Variants in STK10 observed in about 807,000 individuals in gnomAD.
The protein encoded by STK10 is serine/threonine kinase 10.
In STK10, 78 loss-of-function variants were observed where a neutral mutation model predicts 113.8. The observed-to-expected ratio is 0.69, with a 90% CI of 0.57 to 0.83. STK10 has a LOEUF of 0.83. Ranked by LOEUF, STK10 falls within the 40% of genes least tolerant of loss-of-function variation. STK10 has a pLI of 0.00. For synonymous variants in STK10, 465 were observed against 494.7 expected, an observed-to-expected ratio of 0.94 and a Z score of 0.80; for missense variants, 1,109 against 1,280.1, an observed-to-expected ratio of 0.87 and a Z score of 2.04.
At chr5:172,132,036 A>C (rs1318229531) in intron 2 of STK10, among the ~76,000 whole-genome samples, 1 of 152,206 alleles carries the variant, frequency 6.6e-6, no homozygotes, top group Non-Finnish European at 1.5e-5. Flanking sequence ...AGGGCCCTCA[A>C]CCTTGGACTT....
At chr5:172,113,363 A>G (rs552023457) in intron 4 of STK10, among the ~76,000 whole-genome samples, 168 of 152,350 alleles carry the variant, frequency 1.1e-3, no homozygotes, top group African/African-American at 3.8e-3. Context: ...GCAAAGATCC[A>G]TGAACAAGCA....
At position 172,133,720 on chromosome 5, in the gene STK10, C is replaced by T. The variant is rs1444052358; in HGVS notation, c.322-6299G>A. Reference sequence around the variant, plus strand: ...GAGAGAATCACAGGAAAACGGAGAACAAGCCTGCTCCCTACTGACTTTTTA... The same window carrying T: ...GAGAGAATCACAGGAAAACGGAGAATAAGCCTGCTCCCTACTGACTTTTTA... On this transcript the variant is annotated intron_variant, in intron 2 of 18. Transcript: ENST00000176763. This position sits in a 1 kb window ranked among gnomAD's most constrained non-coding sequence, Gnocchi z 4.9. Among the ~76,000 whole-genome samples the T allele has an allele frequency of 2.0e-5, 3 of 152,238 alleles. No individual in the cohort carries two copies. Among genetic ancestry groups the T allele is most frequent in the South Asian group, 4.1e-4 (2 of 4,834 alleles).
At chr5:172,106,139 G>A (rs533221745) in intron 6 of STK10, among the ~76,000 whole-genome samples, 2 of 152,142 alleles carry the variant, frequency 1.3e-5, no homozygotes, top group South Asian at 2.1e-4. Context: ...GAGGCAGCAC[G>A]GTAGCTCACG....
intron 10 of STK10, among the ~76,000 whole-genome samples, chr5:172,086,058 G>T (rs995808611): frequency 6.6e-6 from 1 of 152,228 alleles, no homozygotes; most frequent in South Asian, 2.1e-4. Context: ...CTGGGTGCCC[G>T]CTCGGGGAGT....
At chr5:172,134,900 G>C (rs1769821577) in intron 2 of STK10, among the ~76,000 whole-genome samples, 1 of 150,916 alleles carries the variant, frequency 6.6e-6, no homozygotes, top group Non-Finnish European at 1.5e-5. Flanking sequence ...CGCCAGCCTG[G>C]GAGAAAGAAC....
intron 12 of STK10, among the ~76,000 whole-genome samples, chr5:172,079,481 CT>C (rs1357402059): frequency 6.6e-6 from 1 of 152,018 alleles, no homozygotes; most frequent in East Asian, 1.9e-4. Context: ...CAATATTGGA[CT>C]TTTTGTTTGT....
intron 3 of STK10, among the ~76,000 whole-genome samples, chr5:172,117,982 C>T (rs1769425621): frequency 7.0e-6 from 1 of 142,416 alleles, no homozygotes; most frequent in Non-Finnish European, 1.5e-5. Context: ...CACTGCACTC[C>T]AGCCTGTGCG....
intron 1 of STK10, among the ~76,000 whole-genome samples, chr5:172,176,426 A>AT (rs577166303): frequency 9.3e-4 from 142 of 152,138 alleles, no homozygotes; most frequent in African/African-American, 3.3e-3. Flanking sequence ...CTCAGCTCTG[A>AT]TTCGGGTTCC....
At chr5:172,071,243 A>AAAAAAAG (rs1768174641) in intron 12 of STK10, among the ~76,000 whole-genome samples, 1 of 136,560 alleles carries the variant, frequency 7.3e-6, no homozygotes, top group Non-Finnish European at 1.6e-5. Flanking sequence ...AAAAAAAAAG[A>AAAAAAAG]AATAGGTATT....
intron 1 of STK10, among the ~76,000 whole-genome samples, chr5:172,181,924 G>A (rs887412438): frequency 6.6e-6 from 1 of 152,138 alleles, no homozygotes; most frequent in Non-Finnish European, 1.5e-5. Flanking sequence ...GTCAACAGAC[G>A]CTGATGGAAC....
intron 2 of STK10, among the ~76,000 whole-genome samples, chr5:172,139,654 A>G (rs1329858964): frequency 1.3e-5 from 2 of 152,196 alleles, no homozygotes; most frequent in African/African-American, 4.8e-5. Context: ...CATGAAAGAG[A>G]GAGAAGCTGG....
At chr5:172,116,836 C>T (rs1167492807) in intron 4 of STK10, among the ~76,000 whole-genome samples, 1 of 152,004 alleles carries the variant, frequency 6.6e-6, no homozygotes, top group Admixed American at 6.6e-5. Flanking sequence ...CCACTGCACT[C>T]CAGCCTGGAT....
chr5:172,080,412 T>C (rs930736483), intron 12 of STK10, among the ~76,000 whole-genome samples: 28 of 152,196 alleles, frequency 1.8e-4, no homozygotes, highest in Admixed American at 1.0e-3. Context: ...TGAAGCTTAG[T>C]GAGGAAGGCA....
At chr5:172,166,309 C>G (rs909395191) in intron 1 of STK10, among the ~76,000 whole-genome samples, 5 of 152,120 alleles carry the variant, frequency 3.3e-5, no homozygotes, top group Non-Finnish European at 7.4e-5. Context: ...TACCTGAAGG[C>G]GGACTCTACC....
intron 12 of STK10, among the ~76,000 whole-genome samples, chr5:172,068,468 G>A (rs975093137): frequency 6.6e-6 from 1 of 152,090 alleles, no homozygotes; most frequent in African/African-American, 2.4e-5. Context: ...TACATTGGAA[G>A]TTCTTCAGGT....
At chr5:172,135,363 T>G (rs1769831862) in intron 2 of STK10, among the ~76,000 whole-genome samples, 1 of 151,998 alleles carries the variant, frequency 6.6e-6, no homozygotes, top group Non-Finnish European at 1.5e-5. Flanking sequence ...AATACAAAAG[T>G]TAGCCAGGTG....
At chr5:172,144,114 T>C (rs1770032972) in intron 2 of STK10, among the ~76,000 whole-genome samples, 2 of 152,210 alleles carry the variant, frequency 1.3e-5, no homozygotes, top group African/African-American at 4.8e-5. Flanking sequence ...ATACAAATAT[T>C]CCTGTTTTAC....
At chr5:172,111,417 G>C (rs1182879275) in intron 4 of STK10, among the ~76,000 whole-genome samples, 1 of 152,190 alleles carries the variant, frequency 6.6e-6, no homozygotes, top group Admixed American at 6.5e-5. Flanking sequence ...AGGTCCCCAG[G>C]GCCTCCCTCA....
intron 9 of STK10, among the ~76,000 whole-genome samples, chr5:172,090,935 T>TAAAAAA (rs547251159): frequency 2.2e-5 from 1 of 46,094 alleles, no homozygotes; most frequent in Non-Finnish European, 3.8e-5. Context: ...ACTCCGTCTC[T>TAAAAAA]AAAAAAAAAA....
Sources: gnomAD v4.1 joint callset for allele counts (sites outside exome capture counted in the v4.1 genomes callset) on GRCh38, gnomAD v4.1.1 for gene constraint, Gnocchi (gnomAD v3.1) non-coding constraint, MANE v1.5 for transcripts, NCBI Gene and HGNC (gene_info 2026-07-23, HGNC 2026-07-21) for gene names.